The following PLB1 variants were observed in gnomAD, a reference collection of about 807,000 sequenced individuals.
PLB1 encodes the protein phospholipase B1, membrane-associated.
PLB1 carries 242 observed loss-of-function variants against 227.4 expected under a neutral mutation model. That is an observed-to-expected ratio of 1.06 (90% CI 0.96 to 1.18). PLB1 has a LOEUF of 1.18. Ranked by LOEUF, PLB1 falls within the 50% of genes most tolerant of loss-of-function variation. The pLI, the probability that PLB1 is intolerant of heterozygous loss-of-function variation, is 0.00. For missense variants in PLB1, 1,858 were observed against 1,816.3 expected, an observed-to-expected ratio of 1.02 and a Z score of -0.42; for synonymous variants, 757 against 682.2, an observed-to-expected ratio of 1.11 and a Z score of -1.71.
intron 46 of PLB1, among the ~76,000 whole-genome samples, chr2:28,618,871 C>T (rs1686581547): frequency 6.6e-6 from 1 of 152,084 alleles, no homozygotes; most frequent in East Asian, 1.9e-4. Flanking sequence ...TTGTGTTCGC[C>T]AATTACTTAG....
At chr2:28,569,589 G>T (rs1357848807) in intron 20 of PLB1, among the ~76,000 whole-genome samples, 2 of 152,182 alleles carry the variant, frequency 1.3e-5, no homozygotes, top group Non-Finnish European at 2.9e-5. Flanking sequence ...TGAACAAATT[G>T]TATGCCAATA....
chr2:28,522,878 C>T (rs892601662), intron 4 of PLB1, among the ~76,000 whole-genome samples: 2 of 152,186 alleles, frequency 1.3e-5, no homozygotes, highest in Non-Finnish European at 2.9e-5. Flanking sequence ...AGAGGGCCAT[C>T]ATGAACTTAC....
intron 20 of PLB1, among the ~76,000 whole-genome samples, chr2:28,569,540 C>A (rs1409702149): frequency 6.6e-6 from 1 of 152,092 alleles, no homozygotes; most frequent in Admixed American, 6.6e-5. Flanking sequence ...GAGATACTAC[C>A]AACCTTACAG....
At chr2:28,593,945 A>ATGT (rs763402044) in intron 33 of PLB1, 191 bp downstream of exon 33, 1 of 536,952 alleles carries the variant, frequency 1.9e-6, no homozygotes, top group African/African-American at 2.8e-5. Context: ...ACTGTTGATA[A>ATGT]TCTTTTTTTT....
rs183596822 is a variant in PLB1, at chr2:28,523,678, T to C, written c.244-1589T>C. Among the ~76,000 whole-genome samples the C allele has an allele frequency of 2.7e-3, 418 of 152,038 alleles. 4 individuals carry two copies. The highest frequency in any genetic ancestry group is 4.3e-3 in the Non-Finnish European group (292 of 67,996). On this transcript the variant is annotated intron_variant, in intron 4 of 57. Coordinates refer to ENST00000327757, the MANE Select transcript of PLB1 (RefSeq NM_153021.5). ...CTCCCAACATCTCTCTTTACCACCC[T>C]CTCCTCCAATCAAGTTCATTTGCAG... is the stretch of plus-strand genomic sequence containing the variant.
rs1672751808 is a variant in PLB1 at position 28,543,219 on chromosome 2, C to T, written c.887C>T (p.Pro296Leu). 3 of 1,610,678 alleles carry T rather than the reference C, an allele frequency of 1.9e-6. No individual in the cohort carries two copies. Among genetic ancestry groups the T allele is most frequent in the Non-Finnish European group, 2.5e-6 (3 of 1,178,694 alleles). The change falls in exon 14 of 58, where the codon CCC (proline) becomes CTC (leucine). Residue 296 changes from proline (P) to leucine (L), a missense_variant. Transcript: ENST00000327757. ...CAACTGGTTCTCTTTTAGGAGGACC[C>T]CCGACTCCAGGATTCTACCACGCTG... ...ETTPSLHSED[P>L]RLQDSTTLAW...
chr2:28,560,389 C>T (rs1474498500), intron 17 of PLB1, among the ~76,000 whole-genome samples: 1 of 152,146 alleles, frequency 6.6e-6, no homozygotes, highest in Non-Finnish European at 1.5e-5. Context: ...CCCCCAAATA[C>T]ACTAGGATTC....
chr2:28,520,117 A>G (rs1311983676), intron 4 of PLB1, among the ~76,000 whole-genome samples: 1 of 151,682 alleles, frequency 6.6e-6, no homozygotes, highest in Non-Finnish European at 1.5e-5. Context: ...TAGTAGAGAC[A>G]GAGTTTCTCC....
chr2:28,525,380 A>C, intron 5 of PLB1, 73 bp downstream of exon 5: 1 of 1,504,282 alleles, frequency 6.6e-7, no homozygotes, highest in Non-Finnish European at 9.1e-7. Flanking sequence ...TGCCTTATTA[A>C]TGGGAAAGAT....
chr2:28,634,773 T>G (rs1173435740), intron 56 of PLB1, among the ~76,000 whole-genome samples: 1 of 152,060 alleles, frequency 6.6e-6, no homozygotes, highest in Non-Finnish European at 1.5e-5. Context: ...TAGCCAGGTG[T>G]GGTGGTGCAT....
At chr2:28,568,690 C>T (rs1040851789) in intron 20 of PLB1, among the ~76,000 whole-genome samples, 1 of 152,150 alleles carries the variant, frequency 6.6e-6, no homozygotes, top group African/African-American at 2.4e-5. Context: ...TAAAGACAGA[C>T]ACATGACTAA....
chr2:28,616,505 A>G (rs1327774091), intron 44 of PLB1, among the ~76,000 whole-genome samples: 3 of 152,242 alleles, frequency 2.0e-5, no homozygotes, highest in Non-Finnish European at 4.4e-5. Context: ...GGGGATTTGG[A>G]TGCACTGATT....
intron 13 of PLB1, among the ~76,000 whole-genome samples, chr2:28,542,438 G>A (rs1031452475): frequency 5.9e-5 from 9 of 152,062 alleles, no homozygotes; most frequent in Admixed American, 5.2e-4. Flanking sequence ...GTTGAACTCT[G>A]TTCTGTAAAA....
rs200820154 is a variant in PLB1, at chr2:28,630,618, G to C, written c.3851G>C (p.Ser1284Thr). Reference protein sequence around the residue: ...NNCTCLRHSQSSLEKQELKKV... With the variant: ...NNCTCLRHSQTSLEKQELKKV... Reference sequence around the variant, plus strand: ...TGCACTTGCCTCAGACACTCGCAAAGCTCCCTGGAGAAGCAAGAACTGAAG... The same window carrying C: ...TGCACTTGCCTCAGACACTCGCAAACCTCCCTGGAGAAGCAAGAACTGAAG... The change falls in exon 54 of 58, where the codon AGC (serine) becomes ACC (threonine). Residue 1284 changes from serine to threonine, a missense_variant. Ser to Thr is a moderately conservative substitution (Grantham distance 58, BLOSUM62 1). Transcript: ENST00000327757. 147 of 1,613,730 alleles carry C rather than the reference G, an allele frequency of 9.1e-5. No homozygotes were observed. In the East Asian group the frequency reaches 2.6e-3, roughly 29 times the overall value.
chr2:28,547,302 AGCC>A (rs1341399986), intron 14 of PLB1, among the ~76,000 whole-genome samples: 5 of 151,972 alleles, frequency 3.3e-5, no homozygotes, highest in African/African-American at 1.2e-4. Context: ...TTCCTTTGAC[AGCC>A]GCCTTGAATG....
Position 28,642,103 on chromosome 2 carries a change from A to C in PLB1, c.4174-755A>C, listed in dbSNP as rs1690039780. 3.3e-5 allele frequency among the ~76,000 whole-genome samples: 5 copies of C among 152,262 alleles called. No individual in the cohort carries two copies. The South Asian group carries it at 1.0e-3, about 32-fold the overall frequency. ...GTCCAGATGTTGCCTTTACTAAGCG[A>C]TGGTTTCACCGTCTCTTACCTACCA... On this transcript the variant is annotated intron_variant, in intron 57 of 57. Transcript: ENST00000327757.
intron 32 of PLB1, among the ~76,000 whole-genome samples, chr2:28,593,369 C>A (rs1682332225): frequency 6.6e-6 from 1 of 152,238 alleles, no homozygotes; most frequent in African/African-American, 2.4e-5. Context: ...TATTAACACT[C>A]TCTCACGTTT....
chr2:28,516,755 G>GTT, intron 1 of PLB1, 53 bp from the exon 2 acceptor site: 3 of 1,516,060 alleles, frequency 2.0e-6, no homozygotes, highest in Non-Finnish European at 2.7e-6. Flanking sequence ...CTACAAATTT[G>GTT]GGTGGGAGTT....
chr2:28,594,191 A>C (rs1573272515), intron 33 of PLB1: 2 of 372,408 alleles, frequency 5.4e-6, no homozygotes, highest in South Asian at 2.1e-5. Context: ...TGCACAGAAA[A>C]CCTCTGAAAC....
Sources: allele counts gnomAD v4.1 joint callset (sites outside exome capture counted in the v4.1 genomes callset), GRCh38; gene constraint gnomAD v4.1.1; transcripts MANE v1.5; gene names NCBI Gene and HGNC (gene_info 2026-07-23, HGNC 2026-07-21).